ADORA2B: variants seen among roughly 807,000 people sequenced by gnomAD.
ADORA2B encodes adenosine receptor A2b.
A neutral mutation model predicts 20.8 loss-of-function variants in ADORA2B; 18 were observed. The ratio of observed to expected loss-of-function variants is 0.87; its 90% CI spans 0.60 to 1.29. The LOEUF is 1.29. ADORA2B is among the 50% of genes most tolerant of loss of function. The pLI is 0.00. For synonymous variants in ADORA2B, 179 were observed against 178.3 expected (o/e 1.00, Z -0.03); for missense variants, 441 against 422.7 (o/e 1.04, Z -0.38).
At chr17:15,899,563 C>A in the ADORA2B span, among the ~76,000 whole-genome samples, 1 of 152,170 alleles carries the variant, frequency 6.6e-6, no homozygotes, top group Non-Finnish European at 1.5e-5. Flanking sequence ...GTGAGTATAG[C>A]ACCCAGTTGT....
intron 1 of ADORA2B, among the ~76,000 whole-genome samples, chr17:15,962,024 C>T (rs1970047539): frequency 6.6e-6 from 1 of 152,084 alleles, no homozygotes; most frequent in African/African-American, 2.4e-5. Context: ...ATTTTCAGGC[C>T]GGGTGCAGTG....
At chr17:15,901,070 G>T in the ADORA2B span, among the ~76,000 whole-genome samples, 1 of 152,168 alleles carries the variant, frequency 6.6e-6, no homozygotes, top group Non-Finnish European at 1.5e-5. Flanking sequence ...TGCACACACA[G>T]ACTGGGTGCT....
At chr17:15,929,828 A>C in the ADORA2B span, among the ~76,000 whole-genome samples, 1 of 152,136 alleles carries the variant, frequency 6.6e-6, no homozygotes, top group Non-Finnish European at 1.5e-5. Context: ...AGATTCATAG[A>C]GACAGAAAGT....
chr17:15,867,265 GCC>G, the ADORA2B span, among the ~76,000 whole-genome samples: 2 of 151,978 alleles, frequency 1.3e-5, no homozygotes, highest in African/African-American at 4.8e-5. Flanking sequence ...GATGTGAGGA[GCC>G]TCTCTGCCTG....
chr17:15,951,414 A>T (rs536132680), intron 1 of ADORA2B, among the ~76,000 whole-genome samples: 1 of 152,290 alleles, frequency 6.6e-6, no homozygotes, highest in South Asian at 2.1e-4. Context: ...TGTTACCTGC[A>T]TCAGGGCATC....
intron 1 of ADORA2B, among the ~76,000 whole-genome samples, chr17:15,964,224 GT>G (rs1268289847): frequency 6.6e-6 from 1 of 152,182 alleles, no homozygotes; most frequent in Non-Finnish European, 1.5e-5. Flanking sequence ...TTGTTTTTGT[GT>G]AAGAATGGTT....
chr17:15,891,122 C>T, the ADORA2B span, among the ~76,000 whole-genome samples: 15 of 152,210 alleles, frequency 9.9e-5, no homozygotes, highest in South Asian at 1.5e-3. Context: ...AAAAATTAGC[C>T]GGGCGTGGTG....
chr17:15,891,630 T>C, the ADORA2B span, among the ~76,000 whole-genome samples: 1 of 151,970 alleles, frequency 6.6e-6, no homozygotes, highest in Non-Finnish European at 1.5e-5. Flanking sequence ...GCTGTTTAGA[T>C]CGCCATCAGC....
chr17:15,891,983 G>A, the ADORA2B span, among the ~76,000 whole-genome samples: 1 of 150,978 alleles, frequency 6.6e-6, no homozygotes, highest in Non-Finnish European at 1.5e-5. Flanking sequence ...CCAGTAGCTG[G>A]GACTACAGGC....
the ADORA2B span, among the ~76,000 whole-genome samples, chr17:15,861,233 G>A: frequency 2.5e-4 from 38 of 152,218 alleles, no homozygotes; most frequent in Non-Finnish European, 1.0e-4. Context: ...AATAGGCAAA[G>A]TACTTGAGAG....
chr17:15,966,639 A>C (rs966108147), intron 1 of ADORA2B, among the ~76,000 whole-genome samples: 1 of 152,144 alleles, frequency 6.6e-6, no homozygotes, highest in Admixed American at 6.5e-5. Context: ...TTTTCTGTCA[A>C]TCTCCTTAGC....
chr17:15,931,951 C>T, the ADORA2B span, among the ~76,000 whole-genome samples: 1 of 152,014 alleles, frequency 6.6e-6, no homozygotes, highest in Admixed American at 6.6e-5. Flanking sequence ...AGGCTATTCT[C>T]AAACTCCTGA....
chr17:15,972,265 G>A (rs553349630), intron 1 of ADORA2B, among the ~76,000 whole-genome samples: 6 of 152,262 alleles, frequency 3.9e-5, no homozygotes, highest in East Asian at 1.9e-4. Context: ...GGGGTTCTGC[G>A]GCCATGCTGG....
At chr17:15,928,590 G>T in the ADORA2B span, among the ~76,000 whole-genome samples, 1 of 152,138 alleles carries the variant, frequency 6.6e-6, no homozygotes, top group African/African-American at 2.4e-5. Context: ...GGCTGGCAAG[G>T]TGGAGGCAGT....
chr17:15,878,925 C>T, the ADORA2B span, among the ~76,000 whole-genome samples: 3 of 151,958 alleles, frequency 2.0e-5, no homozygotes, highest in Non-Finnish European at 4.4e-5. Context: ...TATCTGGGGG[C>T]AAAATTCCAA....
the ADORA2B span, among the ~76,000 whole-genome samples, chr17:15,877,840 A>G: frequency 6.6e-6 from 1 of 151,834 alleles, no homozygotes; most frequent in Admixed American, 6.6e-5. Flanking sequence ...CCTTTGGGGG[A>G]TTTTGTACCA....
chr17:15,883,652 C>T, the ADORA2B span, among the ~76,000 whole-genome samples: 2 of 152,108 alleles, frequency 1.3e-5, no homozygotes, highest in African/African-American at 4.8e-5. Flanking sequence ...GGGCACATGC[C>T]GTATGGTAGA....
At chr17:15,942,856 T>C (rs1969756981), upstream of ADORA2B, among the ~76,000 whole-genome samples, 2 of 152,312 alleles carry the variant, frequency 1.3e-5, no homozygotes, top group South Asian at 4.1e-4. Context: ...ATGGCACCCC[T>C]GGGCAAACTC....
Position 15,945,412 on chromosome 17 carries a change from C to T in ADORA2B, c.164C>T (p.Ala55Val). The T allele has an allele frequency of 2.5e-6, 4 of 1,613,530 alleles. No homozygotes were observed. Among genetic ancestry groups the T allele is most frequent in the Non-Finnish European group, 3.4e-6 (4 of 1,179,932 alleles). Residue 55 changes from alanine to valine, a missense_variant, in exon 1 of 2, where the codon GCC becomes GTC. Physicochemically the swap from Ala to Val is moderately conservative, Grantham distance 64. Transcript: ENST00000304222. ...GTGTCCCTGGCTGCGGCCGACGTGG[C>T]CGTGGGGCTCTTCGCCATCCCCTTT... ...FLVSLAAADVAVGLFAIPFAI... is the reference protein window; with the variant it reads ...FLVSLAAADVVVGLFAIPFAI...
Sources: gnomAD v4.1 joint callset for allele counts (sites outside exome capture counted in the v4.1 genomes callset) on GRCh38, gnomAD v4.1.1 for gene constraint, MANE v1.5 for transcripts, NCBI Gene and HGNC (gene_info 2026-07-23, HGNC 2026-07-21) for gene names.